Variants in ADAMTSL1 observed in about 807,000 individuals in gnomAD.
ADAMTSL1 encodes ADAMTS like 1.
A neutral mutation model predicts 201.8 loss-of-function variants in ADAMTSL1; 126 were observed. The ratio of observed to expected loss-of-function variants is 0.62; its 90% CI spans 0.54 to 0.72. The LOEUF is 0.72. ADAMTSL1 is among the 30% of genes least tolerant of loss of function. The pLI is 0.00. For missense variants in ADAMTSL1, 2,679 were observed against 2,277.8 expected (o/e 1.18, Z -3.59); for synonymous variants, 1,121 against 903.4 (o/e 1.24, Z -4.32).
At chr9:18,069,292 C>T (rs933032579) in intron 1 of ADAMTSL1, among the ~76,000 whole-genome samples, 1 of 151,996 alleles carries the variant, frequency 6.6e-6, no homozygotes, top group African/African-American at 2.4e-5. Flanking sequence ...ACAACTTATT[C>T]CACCTATTTT....
At chr9:18,049,110 G>T (rs552158982) in intron 1 of ADAMTSL1, among the ~76,000 whole-genome samples, 1 of 152,002 alleles carries the variant, frequency 6.6e-6, no homozygotes, top group African/African-American at 2.4e-5. Flanking sequence ...CTCTTATAAG[G>T]ACACCAGTCA....
At position 18,225,540 on chromosome 9, in the gene ADAMTSL1, C is replaced by T. The variant is rs148913786; in HGVS notation, c.207+61559C>T. The stretch of plus-strand genomic sequence containing the variant: ...CTTCTACTAGGCAATACGTTATTAA[C>T]GTAGATTGAATTATTTTTCATATTT... On this transcript the variant is annotated intron_variant, in intron 2 of 29. Transcript: ENST00000680146. 5.9e-3 allele frequency among the ~76,000 whole-genome samples: 894 copies of T among 152,074 alleles called. 7 individuals carry two copies. Among genetic ancestry groups the T allele is most frequent in the African/African-American group, 0.02 (816 of 41,490 alleles).
chr9:18,680,324 C>T lies in ADAMTSL1; in HGVS notation c.1149C>T (p.Thr383=), dbSNP rs1375501881. The T allele has an allele frequency of 2.5e-6, 4 of 1,614,052 alleles. No individual in the cohort carries two copies. Among genetic ancestry groups the T allele is most frequent in the Non-Finnish European group, 3.4e-6 (4 of 1,179,996 alleles). ...CTTGCTTCTGTAGGTGGGAGGCCACCCCATGGACCGCGTGCTCCTCCTCGT... is the reference window on the plus strand; with the variant it reads ...CTTGCTTCTGTAGGTGGGAGGCCACTCCATGGACCGCGTGCTCCTCCTCGT... The part of the protein sequence containing the change: ...LYHPLPRWEA[T]PWTACSSSCG... Residue 383 remains threonine, a synonymous_variant, in exon 11 of 29, where the codon ACC becomes ACT. Transcript: ENST00000380548.
At chr9:18,783,088 T>C (rs1821493242) in intron 19 of ADAMTSL1, among the ~76,000 whole-genome samples, 1 of 152,180 alleles carries the variant, frequency 6.6e-6, no homozygotes, top group African/African-American at 2.4e-5. Flanking sequence ...AGGCACATGA[T>C]TGGAAGTCGG....
chr9:18,262,662 C>T (rs541820995), intron 2 of ADAMTSL1, among the ~76,000 whole-genome samples: 2 of 152,188 alleles, frequency 1.3e-5, no homozygotes, highest in African/African-American at 4.8e-5. Context: ...CCTACAAGAG[C>T]AGTATGTTGA....
At chr9:18,110,724 A>G (rs917617220) in intron 1 of ADAMTSL1, among the ~76,000 whole-genome samples, 4 of 152,146 alleles carry the variant, frequency 2.6e-5, no homozygotes, top group South Asian at 2.1e-4. Flanking sequence ...TGCTAGGAAA[A>G]GGGACCAGAT....
intron 4 of ADAMTSL1, among the ~76,000 whole-genome samples, chr9:18,584,997 G>A (rs967286991): frequency 6.6e-6 from 1 of 152,144 alleles, no homozygotes; most frequent in Non-Finnish European, 1.5e-5. Flanking sequence ...TCTATCAACT[G>A]TCTCTTCGAT....
intron 2 of ADAMTSL1, among the ~76,000 whole-genome samples, chr9:18,193,154 C>T (rs1266290021): frequency 6.6e-6 from 1 of 152,122 alleles, no homozygotes; most frequent in Non-Finnish European, 1.5e-5. Flanking sequence ...CCTCTCAGAA[C>T]TCATCCCCAG....
At chr9:18,400,190 A>T (rs975027278) in intron 2 of ADAMTSL1, among the ~76,000 whole-genome samples, 6 of 110,826 alleles carry the variant, frequency 5.4e-5, no homozygotes, top group Admixed American at 5.3e-4. Context: ...ATAATAATAA[A>T]AAAGAAATAA....
intron 2 of ADAMTSL1, among the ~76,000 whole-genome samples, chr9:18,401,742 A>C (rs936750259): frequency 1.3e-5 from 2 of 152,120 alleles, no homozygotes; most frequent in South Asian, 4.1e-4. Flanking sequence ...TTGATATATT[A>C]CCTTTAAAAT....
chr9:18,496,619 A>G (rs978913178), intron 1 of ADAMTSL1, among the ~76,000 whole-genome samples: 1 of 152,220 alleles, frequency 6.6e-6, no homozygotes, highest in Admixed American at 6.5e-5. Context: ...ATTATCAGTT[A>G]TAATTTGGGT....
intron 1 of ADAMTSL1, among the ~76,000 whole-genome samples, chr9:18,023,098 C>T (rs1820546764): frequency 6.6e-6 from 1 of 151,914 alleles, no homozygotes; most frequent in South Asian, 2.1e-4. Context: ...GAAAGTACTT[C>T]CAAAATTGAT....
Position 18,693,057 on chromosome 9 carries a change from T to C in ADAMTSL1, c.1574+8257T>C, listed in dbSNP as rs78827195. Among the ~76,000 whole-genome samples, 5 of 152,322 alleles carry C rather than the reference T, an allele frequency of 3.3e-5. No individual in the cohort carries two copies. The East Asian group carries it at 9.6e-4, about 29-fold the overall frequency. ...TTCTTCCTTTTTTCCCAAAATTTTA[T>C]GGATGTTGAGTTTTAAAAAGTAGAC... On this transcript the variant is annotated intron_variant, in intron 13 of 28. Coordinates refer to ENST00000380548, the MANE Select transcript of ADAMTSL1 (RefSeq NM_001040272.6).
chr9:18,248,332 A>G (rs1224886468), intron 2 of ADAMTSL1, among the ~76,000 whole-genome samples: 1 of 152,150 alleles, frequency 6.6e-6, no homozygotes, highest in African/African-American at 2.4e-5. Context: ...TGGACTGTGG[A>G]TTACGCGGTA....
intron 3 of ADAMTSL1, among the ~76,000 whole-genome samples, chr9:18,567,800 C>T (rs1822016807): frequency 6.6e-6 from 1 of 152,040 alleles, no homozygotes; most frequent in Non-Finnish European, 1.5e-5. Flanking sequence ...ATTTCTCATA[C>T]ATATATGAGA....
At chr9:18,345,304 C>T (rs1380445891) in intron 2 of ADAMTSL1, among the ~76,000 whole-genome samples, 1 of 152,094 alleles carries the variant, frequency 6.6e-6, no homozygotes, top group Non-Finnish European at 1.5e-5. Flanking sequence ...TGAAGCAAAT[C>T]TAACTCATTT....
chr9:18,222,702 T>C (rs1830310393), intron 2 of ADAMTSL1, among the ~76,000 whole-genome samples: 1 of 151,320 alleles, frequency 6.6e-6, no homozygotes, highest in Admixed American at 6.6e-5. Context: ...CCTGGGAGAA[T>C]TTTCTTTCTT....
In ADAMTSL1 at chr9:18,777,196, G is replaced by T. The variant is rs1374989919; in HGVS notation, c.2967G>T (p.Lys989Asn). The T allele has an allele frequency of 6.2e-7, 1 of 1,612,754 alleles. No homozygotes were observed. Among genetic ancestry groups the T allele is most frequent in the Admixed American group, 1.7e-5 (1 of 60,010 alleles). ...EVLAGRKGGPKEALQTHKHQN... is the reference protein window; with the variant it reads ...EVLAGRKGGPNEALQTHKHQN... ...TTGCGGGGAGGAAGGGCGGCCCGAA[G>T]GAGGCCCTGCAGACCCACAAACACC... Residue 989 changes from lysine (K) to asparagine (N), a missense_variant, in exon 19 of 29, where the codon AAG becomes AAT. Lys to Asn is a moderately conservative substitution (Grantham distance 94). Transcript: ENST00000380548.
At chr9:18,726,680 A>T (rs1817914237) in intron 15 of ADAMTSL1, among the ~76,000 whole-genome samples, 1 of 152,186 alleles carries the variant, frequency 6.6e-6, no homozygotes, top group Non-Finnish European at 1.5e-5. Context: ...GATTTGGTAA[A>T]CGTATGTGGA....
Sources: gnomAD v4.1 joint callset for allele counts (sites outside exome capture counted in the v4.1 genomes callset) on GRCh38, gnomAD v4.1.1 for gene constraint, MANE v1.5 for transcripts, NCBI Gene and HGNC (gene_info 2026-07-23, HGNC 2026-07-21) for gene names.